The following BAHCC1 variants were observed in gnomAD, a reference collection of about 807,000 sequenced individuals.
The protein encoded by BAHCC1 is BAH domain and coiled-coil containing 1.
A neutral mutation model predicts 88.2 loss-of-function variants in BAHCC1; 43 were observed. That is an observed-to-expected ratio of 0.49 (90% CI 0.38 to 0.63). The LOEUF (loss-of-function observed/expected upper bound fraction) is 0.63, where lower values mean the gene tolerates loss of function less well. Among genes scored for constraint, BAHCC1 ranks in the 20% least tolerant of loss-of-function variants. The pLI is 0.00. For synonymous variants in BAHCC1, 1,510 were observed against 745.5 expected, an observed-to-expected ratio of 2.03 and a Z score of -16.71; for missense variants, 3,023 against 1,654.8, an observed-to-expected ratio of 1.83 and a Z score of -14.34.
At position 81,399,513 on chromosome 17, in the gene BAHCC1, C is replaced by G. The variant is rs782134341; in HGVS notation, c.-206-21C>G. The stretch of plus-strand genomic sequence containing the variant: ...CCGAGCCCCCCAGTCACCCGTGTCT[C>G]CTCTGCTTTTGCCTCCACAGACCAT... On this transcript the variant is annotated intron_variant, in intron 1 of 27. Coordinates refer to ENST00000675386, the MANE Select transcript of BAHCC1 (RefSeq NM_001377448.1). This position sits in a 1 kb window ranked among gnomAD's most constrained non-coding sequence, Gnocchi z 4.5. 5.9e-6 allele frequency: 2 copies of G among 340,070 alleles called. No individual in the cohort carries two copies. Among genetic ancestry groups the G allele is most frequent in the Non-Finnish European group, 1.2e-5 (2 of 168,716 alleles). 21.1% of individuals were successfully genotyped at this position (340,070 alleles called of 1,614,324 possible). A position where few individuals can be genotyped will look rare whatever the true frequency, so the allele number is the denominator to read the frequency against.
chr17:81,407,705 A>G (rs868933332), intron 2 of BAHCC1, among the ~76,000 whole-genome samples: 16 of 152,228 alleles, frequency 1.1e-4, no homozygotes, highest in Middle Eastern at 6.8e-3. Context: ...GGTGAGGCCC[A>G]CTCTGCAGAC....
chr17:81,416,370 G>T (rs574701742), intron 2 of BAHCC1, among the ~76,000 whole-genome samples: 1 of 144,056 alleles, frequency 6.9e-6, no homozygotes. Context: ...GGGTCTATGC[G>T]TGTGTCCATG....
rs782512018 is a variant in BAHCC1 at position 81,442,740 on chromosome 17, G to A, written c.1391G>A (p.Arg464Gln). The A allele has an allele frequency of 2.1e-5, 16 of 778,142 alleles. No individual in the cohort carries two copies. Among genetic ancestry groups the A allele is most frequent in the Admixed American group, 3.4e-5 (2 of 58,862 alleles). 48.2% of individuals were successfully genotyped at this position (778,142 alleles called of 1,614,324 possible). ...GGCTTTGAGGCGGCCCTCAACCCCC[G>A]GCTAAAGGGCCTCGACTATCTCAGC... ...PGGFEAALNP[R>Q]LKGLDYLSSA... The change falls in exon 5 of 28, where the codon CGG becomes CAG. Residue 464 changes from arginine to glutamine, a missense_variant. Transcript: ENST00000675386.
rs541582921 is a variant in BAHCC1, at chr17:81,461,590, C to T, written c.6927C>T (p.Arg2309=). 33 of 721,014 alleles carry T rather than the reference C, an allele frequency of 4.6e-5. No homozygotes were observed. In the South Asian group the frequency reaches 4.9e-4, roughly 11 times the overall value. 44.7% of individuals were successfully genotyped at this position (721,014 alleles called of 1,614,324 possible). A position where few individuals can be genotyped will look rare whatever the true frequency, so the allele number is the denominator to read the frequency against. Residue 2309 remains arginine (R), a synonymous_variant, in exon 26 of 28, where the codon CGC becomes CGT. Coordinates refer to ENST00000675386, the MANE Select transcript of BAHCC1 (RefSeq NM_001377448.1). ...GPGLAAGVPS[R]FLARLSVSSS... ...GGCTGGCGGCCGGCGTGCCCTCCCG[C>T]TTCCTCGCCCGCCTGTCCGTGTCCT...
In BAHCC1 at chr17:81,434,591, T is replaced by G. The variant is rs1436490498; in HGVS notation, c.359-3779T>G. Among the ~76,000 whole-genome samples the G allele has an allele frequency of 6.6e-6, 1 of 152,040 alleles. No individual in the cohort carries two copies. Among genetic ancestry groups the G allele is most frequent in the Non-Finnish European group, 1.5e-5 (1 of 67,974 alleles). On this transcript the variant is annotated intron_variant, in intron 3 of 27. Transcript: ENST00000675386. This position sits in a 1 kb window ranked among gnomAD's most constrained non-coding sequence, Gnocchi z 4.9. ...TCCTGGGTGACCCTGCAGTGGGAAG[T>G]CCCCTGACCCCCCAGGTGATCTTGG...
chr17:81,443,130 T>C lies in BAHCC1; in HGVS notation c.1781T>C (p.Met594Thr). 2 of 777,956 alleles carry C rather than the reference T, an allele frequency of 2.6e-6. No individual in the cohort carries two copies. Among genetic ancestry groups the C allele is most frequent in the Admixed American group, 1.7e-5 (1 of 58,990 alleles). 48.2% of individuals were successfully genotyped at this position (777,956 alleles called of 1,614,324 possible). The change falls in exon 5 of 28, where the codon ATG becomes ACG. Residue 594 changes from methionine (M) to threonine (T), a missense_variant. Met to Thr is a moderately conservative substitution (Grantham distance 81). Transcript: ENST00000675386. ...WGVQAGQGTAMAISEERKAGA... is the reference protein window; with the variant it reads ...WGVQAGQGTATAISEERKAGA... Reference sequence around the variant, plus strand: ...GTCCAGGCAGGCCAGGGCACCGCCATGGCCATCAGCGAGGAGCGCAAGGCT... The same window carrying C: ...GTCCAGGCAGGCCAGGGCACCGCCACGGCCATCAGCGAGGAGCGCAAGGCT...
chr17:81,458,534 T>TC, intron 18 of BAHCC1, 68 bp downstream of exon 18: 1 of 658,524 alleles, frequency 1.5e-6, no homozygotes, highest in East Asian at 2.7e-5. Flanking sequence ...TTCCCCGCCC[T>TC]CCCCCGCACG....
rs1374768194 is a variant in BAHCC1, at chr17:81,434,830, C to T, written c.359-3540C>T. 6.6e-6 allele frequency among the ~76,000 whole-genome samples: 1 copy of T among 151,930 alleles called. No homozygotes were observed. The highest frequency in any genetic ancestry group is 1.9e-4 in the East Asian group (1 of 5,172). On this transcript the variant is annotated intron_variant, in intron 3 of 27. Coordinates refer to ENST00000675386, the MANE Select transcript of BAHCC1 (RefSeq NM_001377448.1). The surrounding 1 kb of genome is among the most constrained non-coding windows in gnomAD (Gnocchi z 4.9). The stretch of plus-strand genomic sequence containing the variant: ...CTGGAGAGGGCAGGGCCTCGACGTG[C>T]GGGGCTGTTGGGAAAATGTGCTGTG...
rs1555658418 is a variant in BAHCC1, at chr17:81,459,099, C to T, written c.5651C>T (p.Pro1884Leu). ...IHKEDLRDGL[P>L]VLIPKEDSLL... ...AAGGAGGACCTGCGGGACGGGCTGC[C>T]CGTGCTCATCCCCAAGGAGGATAGC... The change falls in exon 21 of 28, where the codon CCC becomes CTC. Residue 1884 changes from proline to leucine, a missense_variant. Coordinates refer to ENST00000675386, the MANE Select transcript of BAHCC1 (RefSeq NM_001377448.1). The T allele has an allele frequency of 2.6e-6, 2 of 771,008 alleles. No individual in the cohort carries two copies. The highest frequency in any genetic ancestry group is 4.8e-6 in the Non-Finnish European group (2 of 414,496). 47.8% of individuals were successfully genotyped at this position (771,008 alleles called of 1,614,324 possible). A position where few individuals can be genotyped will look rare whatever the true frequency, so the allele number is the denominator to read the frequency against.
At chr17:81,445,217 C>T (rs1555653982) in intron 9 of BAHCC1, 39 bp downstream of exon 9, 1 of 736,088 alleles carries the variant, frequency 1.4e-6, no homozygotes, top group East Asian at 2.6e-5. Context: ...CCGGGCACTT[C>T]TCCCCAACCC....
intron 6 of BAHCC1, 151 bp from the exon 7 acceptor site, chr17:81,444,230 A>G: frequency 1.6e-6 from 1 of 608,102 alleles, no homozygotes; most frequent in Non-Finnish European, 2.9e-6. Flanking sequence ...TCTCCCTCCC[A>G]GGTTGATGGC....
In BAHCC1 at chr17:81,464,236, AT is replaced by A. The variant is rs2030546673; in HGVS notation, c.*420del. 7.7e-6 allele frequency: 2 copies of A among 259,144 alleles called. No individual in the cohort carries two copies. The highest frequency in any genetic ancestry group is 4.4e-5 in the African/African-American group (2 of 45,550). The allele number at this position is 259,144 out of a possible 1,614,324, so 16.1% of individuals were successfully genotyped here. A position where few individuals can be genotyped will look rare whatever the true frequency, so the allele number is the denominator to read the frequency against. On this transcript the variant is annotated 3_prime_UTR_variant, in exon 28 of 28. Transcript: ENST00000675386. ...TATTGTATTTCTGCGGGGAAATTTT[AT>A]GGTAAAAAGTGGAAAAGGGTTTTTC...
chr17:81,415,702 C>A, intron 2 of BAHCC1: 1 of 370,168 alleles, frequency 2.7e-6, no homozygotes. Context: ...GGAGCTCTCC[C>A]GGCCAACATA....
Position 81,461,862 on chromosome 17 carries a change from C to T in BAHCC1, c.7199C>T (p.Thr2400Ile). 1.4e-6 allele frequency: 1 copy of T among 722,110 alleles called. No individual in the cohort carries two copies. The allele number at this position is 722,110 out of a possible 1,614,324, so 44.7% of individuals were successfully genotyped here. ...CFLSRATVAG[T>I]GAGSGPSSSS... ...CTGTCCAGGGCCACGGTGGCTGGCA[C>T]CGGTGCGGGCTCAGGCCCCAGCAGC... The change falls in exon 26 of 28, where the codon ACC (threonine) becomes ATC (isoleucine). Residue 2400 changes from threonine (T) to isoleucine (I), a missense_variant. Thr to Ile is a moderately conservative substitution (Grantham distance 89, BLOSUM62 -1). Transcript: ENST00000675386.
chr17:81,459,754 C>G (rs550129066), intron 23 of BAHCC1, 150 bp downstream of exon 23: 2 of 557,192 alleles, frequency 3.6e-6, no homozygotes, highest in Non-Finnish European at 3.3e-6. Context: ...GCTCCCCAGG[C>G]GCCATGAAAA....
chr17:81,442,231 G>A lies in BAHCC1; in HGVS notation c.882G>A (p.Met294Ile), dbSNP rs1555652705. The A allele has an allele frequency of 1.6e-6, 1 of 637,862 alleles. No homozygotes were observed. Among genetic ancestry groups the A allele is most frequent in the East Asian group, 2.8e-5 (1 of 35,350 alleles). 39.5% of individuals were successfully genotyped at this position (637,862 alleles called of 1,614,324 possible). ...ACACCAAGGTGCTCAACGGCGAGATGGGCAGGGCTGCGCTAGCCAGCTGTG... is the reference window on the plus strand; with the variant it reads ...ACACCAAGGTGCTCAACGGCGAGATAGGCAGGGCTGCGCTAGCCAGCTGTG... Reference protein sequence around the residue: ...LLNTKVLNGEMGRAALASCAG... With the variant: ...LLNTKVLNGEIGRAALASCAG... Residue 294 changes from methionine to isoleucine, a missense_variant, in exon 5 of 28, where the codon ATG becomes ATA. Transcript: ENST00000675386.
chr17:81,459,917 C>G (rs954039234), intron 23 of BAHCC1, among the ~76,000 whole-genome samples: 2 of 152,150 alleles, frequency 1.3e-5, no homozygotes, highest in African/African-American at 4.8e-5. Context: ...TGACTACAGG[C>G]AGGGGCATGT....
chr17:81,459,733 C>T (rs1015517757), intron 23 of BAHCC1, 129 bp downstream of exon 23: 10 of 357,296 alleles, frequency 2.8e-5, no homozygotes, highest in Admixed American at 2.1e-4. Context: ...CAGAGTACGA[C>T]AATAAAATGA....
chr17:81,404,667 C>G (rs1229952790), intron 2 of BAHCC1, among the ~76,000 whole-genome samples: 1 of 152,230 alleles, frequency 6.6e-6, no homozygotes, highest in African/African-American at 2.4e-5. Context: ...TTTTAACAAT[C>G]AGGATACACT....
Sources: gnomAD v4.1 joint callset for allele counts (sites outside exome capture counted in the v4.1 genomes callset) on GRCh38, gnomAD v4.1.1 for gene constraint, Gnocchi (gnomAD v3.1) non-coding constraint, MANE v1.5 for transcripts, NCBI Gene and HGNC (gene_info 2026-07-23, HGNC 2026-07-21) for gene names.